The following POGLUT1 variants were observed in gnomAD, a reference collection of about 807,000 sequenced individuals.
POGLUT1 encodes protein O-glucosyltransferase 1.
In POGLUT1, 32 loss-of-function variants were observed where a neutral mutation model predicts 61.3. That is an observed-to-expected ratio of 0.52 (90% CI 0.39 to 0.70). The LOEUF (loss-of-function observed/expected upper bound fraction) is 0.70. Ranked by LOEUF, POGLUT1 falls within the 30% of genes least tolerant of loss-of-function variation. POGLUT1 has a pLI of 0.00. For synonymous variants in POGLUT1, 158 were observed against 158.2 expected (o/e 1.00, Z 0.01); for missense variants, 411 against 469.8 (o/e 0.87, Z 1.16).
At chr3:119,490,850 C>T in intron 9 of POGLUT1, 132 bp downstream of exon 9, 2 of 763,148 alleles carry the variant, frequency 2.6e-6, no homozygotes, top group South Asian at 3.9e-5. Context: ...AGCTTTTTTT[C>T]CTCTTGGTTT....
Position 119,492,359 on chromosome 3 carries a change from C to G in POGLUT1, c.1100C>G (p.Ser367Cys). Residue 367 changes from serine to cysteine, a missense_variant, in exon 11 of 11, where the codon TCT becomes TGT. Transcript: ENST00000295588. ...TGGGAGAACCTCTTGAGTGAATACT[C>G]TAAATTCCTGTCTTATAATGTAACG... ...CYWENLLSEY[S>C]KFLSYNVTRR... is the part of the protein sequence containing the mutation. 2 of 1,608,452 alleles carry G rather than the reference C, an allele frequency of 1.2e-6. No individual in the cohort carries two copies. Among genetic ancestry groups the G allele is most frequent in the South Asian group, 1.1e-5 (1 of 90,754 alleles).
intron 8 of POGLUT1, chr3:119,489,639 T>TC (rs1279661275): frequency 1.3e-5 from 2 of 151,888 alleles, no homozygotes; most frequent in Non-Finnish European, 2.9e-5. Context: ...TTTTTTTTTT[T>TC]CCCCTGTGGG....
At chr3:119,469,794 A>T (rs775404256) in intron 1 of POGLUT1, 26 bp from the exon 2 acceptor site, 1 of 1,288,560 alleles carries the variant, frequency 7.8e-7, no homozygotes, top group East Asian at 2.3e-5. Context: ...AATTTTTTTA[A>T]CTCTCATTTA....
chr3:119,478,637 T>C (rs1465449563), intron 4 of POGLUT1, among the ~76,000 whole-genome samples: 1 of 152,224 alleles, frequency 6.6e-6, no homozygotes, highest in African/African-American at 2.4e-5. Context: ...GTCAACTTTA[T>C]AGTTAATTGT....
At chr3:119,469,238 C>A in intron 1 of POGLUT1, 132 bp downstream of exon 1, 1 of 711,396 alleles carries the variant, frequency 1.4e-6, no homozygotes. Flanking sequence ...CAGAAGGCAC[C>A]GGGGCGCCTT....
intron 3 of POGLUT1, among the ~76,000 whole-genome samples, chr3:119,473,604 A>C (rs971897499): frequency 1.3e-5 from 2 of 152,164 alleles, no homozygotes; most frequent in Non-Finnish European, 2.9e-5. Context: ...ACACAGTCGT[A>C]TGATATCTCA....
chr3:119,488,950 G>A lies in POGLUT1; in HGVS notation c.760G>A (p.Ala254Thr). Residue 254 changes from alanine (A) to threonine (T), a missense_variant, in exon 8 of 11, where the codon GCT (alanine) becomes ACT (threonine). Transcript: ENST00000295588. ...SMKDTLGKPA[A>T]KDVHLVDHCK... ...AAAGGATACCTTAGGAAAGCCAGCT[G>A]CTAAGGATGTCCATCTTGTGGATCA... The A allele has an allele frequency of 6.3e-7, 1 of 1,593,022 alleles. No homozygotes were observed. The highest frequency in any genetic ancestry group is 1.3e-5 in the African/African-American group (1 of 74,742).
rs1255169790 is a variant in POGLUT1 at position 119,493,514 on chromosome 3, A to G, written c.*1076A>G. 3.3e-5 allele frequency: 5 copies of G among 152,322 alleles called. No individual in the cohort carries two copies. Among genetic ancestry groups the G allele is most frequent in the Admixed American group, 1.3e-4 (2 of 15,302 alleles). 9.4% of individuals were successfully genotyped at this position (152,322 alleles called of 1,614,324 possible). On this transcript the variant is annotated 3_prime_UTR_variant, in exon 11 of 11. Transcript: ENST00000295588. ...AAAAATGAAGAAAAATGTTTAGATT[A>G]AAACTCTGTAGTCTGATGACTTAGA...
At position 119,477,353 on chromosome 3, in the gene POGLUT1, C is replaced by A. The variant is rs369098373; in HGVS notation, c.361C>A (p.Arg121Ser). ...GCACTTTATTTTGGAAGTGATCGGG[C>A]GTCTCCCTGACATGGAGATGGTGAT... is the stretch of plus-strand genomic sequence containing the variant. ...VEHFILEVIG[R>S]LPDMEMVINV... The change falls in exon 4 of 11, where the codon CGT becomes AGT. Residue 121 changes from arginine to serine, a missense_variant. By Grantham distance (110) the Arg-to-Ser change is moderately radical. Transcript: ENST00000295588. 1 of 1,613,924 alleles carries A rather than the reference C, an allele frequency of 6.2e-7. No homozygotes were observed. Among genetic ancestry groups the A allele is most frequent in the African/African-American group, 1.3e-5 (1 of 75,034 alleles).
chr3:119,471,488 T>C, intron 3 of POGLUT1, 36 bp downstream of exon 3: 1 of 1,596,484 alleles, frequency 6.3e-7, no homozygotes, highest in Non-Finnish European at 8.6e-7. Flanking sequence ...CTTCTGACTT[T>C]ATTACATATG....
At chr3:119,472,709 T>A (rs967039106) in intron 3 of POGLUT1, among the ~76,000 whole-genome samples, 1 of 138,368 alleles carries the variant, frequency 7.2e-6, no homozygotes, top group Non-Finnish European at 1.6e-5. Context: ...AGAGCGAAAC[T>A]GTCTAAATAA....
chr3:119,492,401 A>G lies in POGLUT1; in HGVS notation c.1142A>G (p.Asp381Gly), dbSNP rs377392047. Residue 381 changes from aspartate to glycine, a missense_variant, in exon 11 of 11, where the codon GAT (aspartate) becomes GGT (glycine). Coordinates refer to ENST00000295588, the MANE Select transcript of POGLUT1 (RefSeq NM_152305.3). ...AATGTAACGAGAAGGAAAGGTTATG[A>G]TCAAATTATTCCCAAAATGTTGAAA... ...SYNVTRRKGY[D>G]QIIPKMLKTE... 30 of 1,605,902 alleles carry G rather than the reference A, an allele frequency of 1.9e-5. No individual in the cohort carries two copies. Among genetic ancestry groups the G allele is most frequent in the Non-Finnish European group, 2.4e-5 (28 of 1,175,026 alleles).
chr3:119,486,511 T>C (rs2081665871), intron 6 of POGLUT1, among the ~76,000 whole-genome samples: 2 of 152,200 alleles, frequency 1.3e-5, no homozygotes, highest in Non-Finnish European at 2.9e-5. Context: ...CCAGTGATTA[T>C]AGAAGCCACA....
intron 3 of POGLUT1, among the ~76,000 whole-genome samples, chr3:119,473,404 T>C (rs2081499171): frequency 1.3e-5 from 2 of 152,154 alleles, no homozygotes; most frequent in Non-Finnish European, 2.9e-5. Context: ...GCTCAGAACA[T>C]TTTGGTCATA....
chr3:119,487,202 G>A (rs2081675352), intron 7 of POGLUT1, among the ~76,000 whole-genome samples: 1 of 152,244 alleles, frequency 6.6e-6, no homozygotes, highest in Non-Finnish European at 1.5e-5. Flanking sequence ...AATAGTAAAT[G>A]TTGTAGGTTT....
intron 2 of POGLUT1, 123 bp downstream of exon 2, chr3:119,470,033 G>A (rs1391655475): frequency 6.0e-6 from 4 of 663,330 alleles, no homozygotes; most frequent in Non-Finnish European, 1.1e-5. Context: ...TATTTCTGGG[G>A]AATAAAAATG....
At chr3:119,475,954 C>CCACACA (rs539140166) in intron 3 of POGLUT1, among the ~76,000 whole-genome samples, 4,056 of 130,860 alleles carry the variant, frequency 0.031, 85 homozygotes, top group African/African-American at 0.051. Flanking sequence ...GACTGTCTCT[C>CCACACA]CACACACACA....
At chr3:119,480,245 T>C in intron 5 of POGLUT1, 73 bp downstream of exon 5, 1 of 1,277,410 alleles carries the variant, frequency 7.8e-7, no homozygotes, top group South Asian at 1.6e-5. Context: ...ATATAACCAA[T>C]TATTTACTTT....
Position 119,494,172 on chromosome 3 carries a change from A to C in POGLUT1, c.*1734A>C, listed in dbSNP as rs532282175. 2.0e-5 allele frequency: 3 copies of C among 152,304 alleles called. No homozygotes were observed. The East Asian group carries it at 5.8e-4, about 29-fold the overall frequency. 9.4% of individuals were successfully genotyped at this position (152,304 alleles called of 1,614,324 possible). ...TGCCTGTATTATATGACATCACTGT[A>C]GTTGCTTGACTGTTTCTCCTACTGT... is the stretch of plus-strand genomic sequence containing the variant. On this transcript the variant is annotated 3_prime_UTR_variant, in exon 11 of 11. Transcript: ENST00000295588.
Sources: gnomAD v4.1 joint callset for allele counts (sites outside exome capture counted in the v4.1 genomes callset) on GRCh38, gnomAD v4.1.1 for gene constraint, MANE v1.5 for transcripts, NCBI Gene and HGNC (gene_info 2026-07-23, HGNC 2026-07-21) for gene names.